UBE2E2: variants seen among roughly 807,000 people sequenced by gnomAD.
The protein encoded by UBE2E2 is ubiquitin conjugating enzyme E2 E2.
In UBE2E2, 6 loss-of-function variants were observed where a neutral mutation model predicts 24.7. The ratio of observed to expected loss-of-function variants is 0.24; its 90% CI spans 0.13 to 0.48. The LOEUF is 0.48. Among genes scored for constraint, UBE2E2 ranks in the 20% least tolerant of loss-of-function variants. UBE2E2 has a pLI of 0.99. For synonymous variants in UBE2E2, 104 were observed against 83.6 expected (o/e 1.24, Z -1.33); for missense variants, 169 against 245.0 (o/e 0.69, Z 2.07).
At chr3:23,260,431 T>G (rs1237575492) in intron 3 of UBE2E2, among the ~76,000 whole-genome samples, 1 of 152,232 alleles carries the variant, frequency 6.6e-6, no homozygotes, top group African/African-American at 2.4e-5. Flanking sequence ...TACAGTTCTT[T>G]AAACCAATTA....
At chr3:23,401,061 C>T (rs1697210662) in intron 3 of UBE2E2, among the ~76,000 whole-genome samples, 1 of 152,122 alleles carries the variant, frequency 6.6e-6, no homozygotes, top group Non-Finnish European at 1.5e-5. Context: ...TAGGGAAGGC[C>T]TTTCTCAGAT....
chr3:23,260,807 G>C (rs73035699), intron 3 of UBE2E2, among the ~76,000 whole-genome samples: 26,668 of 152,098 alleles, frequency 0.18, 2,596 homozygotes, highest in Non-Finnish European at 0.21. Context: ...GGGGTTGGAG[G>C]GAGACAGTAA....
chr3:23,218,480 G>A (rs1015709224), intron 3 of UBE2E2, among the ~76,000 whole-genome samples: 12 of 151,738 alleles, frequency 7.9e-5, no homozygotes, highest in African/African-American at 2.9e-4. Flanking sequence ...ATGGATTTGT[G>A]GAAAAACCCC....
intron 5 of UBE2E2, among the ~76,000 whole-genome samples, chr3:23,546,969 C>T (rs915332814): frequency 2.0e-5 from 3 of 151,986 alleles, no homozygotes; most frequent in African/African-American, 4.8e-5. Context: ...TAGTTTTATC[C>T]GTGCTTTTTT....
At chr3:23,516,412 T>C (rs747177995) in intron 4 of UBE2E2, among the ~76,000 whole-genome samples, 22 of 152,176 alleles carry the variant, frequency 1.4e-4, no homozygotes, top group Non-Finnish European at 2.8e-4. Context: ...CCTTACTCAG[T>C]TGGTATTAGA....
At chr3:23,520,126 T>TA (rs5847237) in intron 4 of UBE2E2, among the ~76,000 whole-genome samples, 49,854 of 149,480 alleles carry the variant, frequency 0.33, 9,366 homozygotes, top group African/African-American at 0.52. Flanking sequence ...TTTCTTTAAT[T>TA]AAAAAAAAAA....
chr3:23,575,062 A>T (rs1696318341), intron 5 of UBE2E2, among the ~76,000 whole-genome samples: 1 of 152,132 alleles, frequency 6.6e-6, no homozygotes, highest in South Asian at 2.1e-4. Context: ...TAACATTAAA[A>T]CCATGTTTGT....
At chr3:23,385,755 A>T (rs377668679) in intron 3 of UBE2E2, among the ~76,000 whole-genome samples, 2 of 152,228 alleles carry the variant, frequency 1.3e-5, no homozygotes, top group East Asian at 3.8e-4. Context: ...TAGAAAAACC[A>T]TCAGCTTCTT....
At chr3:23,354,950 T>A (rs1192888340) in intron 3 of UBE2E2, among the ~76,000 whole-genome samples, 2 of 151,988 alleles carry the variant, frequency 1.3e-5, no homozygotes, top group Non-Finnish European at 2.9e-5. Context: ...TGCGGCACTA[T>A]TCACAATAGC....
intron 3 of UBE2E2, among the ~76,000 whole-genome samples, chr3:23,471,937 T>A (rs1699039231): frequency 1.8e-5 from 2 of 109,370 alleles, no homozygotes; most frequent in African/African-American, 4.7e-5. Context: ...CAGGAAAACA[T>A]CTTTAAAAAA....
At chr3:23,293,141 T>C (rs1340844410) in intron 3 of UBE2E2, among the ~76,000 whole-genome samples, 1 of 152,222 alleles carries the variant, frequency 6.6e-6, no homozygotes, top group Non-Finnish European at 1.5e-5. Context: ...TTTGGCACAG[T>C]GCCAGTCACA....
chr3:23,305,429 C>G (rs1051950148), intron 3 of UBE2E2, among the ~76,000 whole-genome samples: 16 of 152,270 alleles, frequency 1.1e-4, no homozygotes, highest in African/African-American at 3.9e-4. Context: ...TTTTATTTCT[C>G]TTTTAACTGC....
At chr3:23,514,030 T>C (rs1381483431) in intron 4 of UBE2E2, among the ~76,000 whole-genome samples, 1 of 152,224 alleles carries the variant, frequency 6.6e-6, no homozygotes, top group Non-Finnish European at 1.5e-5. Context: ...GCACTTAGAA[T>C]AAAATCCAAA....
chr3:23,294,684 TTAAA>T (rs1348368227), intron 3 of UBE2E2, among the ~76,000 whole-genome samples: 5 of 147,206 alleles, frequency 3.4e-5, no homozygotes, highest in Non-Finnish European at 6.0e-5. Flanking sequence ...TAATATTTAT[TTAAA>T]TATAATATTT....
chr3:23,569,915 T>C (rs1168851871), intron 5 of UBE2E2, among the ~76,000 whole-genome samples: 3 of 152,206 alleles, frequency 2.0e-5, no homozygotes, highest in Non-Finnish European at 4.4e-5. Flanking sequence ...CAAGGGGCGT[T>C]AATTTTGAAT....
chr3:23,446,538 GAA>G (rs1251625792), intron 3 of UBE2E2, among the ~76,000 whole-genome samples: 4 of 152,178 alleles, frequency 2.6e-5, no homozygotes, highest in Admixed American at 6.5e-5. Context: ...TTGCCATTGT[GAA>G]AGTTACCTGC....
chr3:23,524,322 T>A (rs761507017), intron 4 of UBE2E2, among the ~76,000 whole-genome samples: 1 of 152,168 alleles, frequency 6.6e-6, no homozygotes, highest in African/African-American at 2.4e-5. Context: ...AAGTGATGCA[T>A]TCTCAGTTAA....
At chr3:23,331,465 TG>T (rs1046129241) in intron 3 of UBE2E2, among the ~76,000 whole-genome samples, 1 of 134,678 alleles carries the variant, frequency 7.4e-6, no homozygotes, top group Non-Finnish European at 1.6e-5. Context: ...AAAGTCAAGC[TG>T]GGAAGAGAGC....
intron 3 of UBE2E2, among the ~76,000 whole-genome samples, chr3:23,378,909 T>G (rs532496430): frequency 3.9e-5 from 6 of 152,232 alleles, no homozygotes; most frequent in Non-Finnish European, 7.3e-5. Context: ...ATACCTATTT[T>G]CTTTGTCAAA....
Sources: gnomAD v4.1 joint callset for allele counts (sites outside exome capture counted in the v4.1 genomes callset) on GRCh38, gnomAD v4.1.1 for gene constraint, MANE v1.5 for transcripts, NCBI Gene and HGNC (gene_info 2026-07-23, HGNC 2026-07-21) for gene names.